Variants in PRKN observed in about 807,000 individuals in gnomAD.
The protein encoded by PRKN is E3 ubiquitin-protein ligase parkin.
In PRKN, 56 loss-of-function variants were observed where a neutral mutation model predicts 59.5. The observed-to-expected ratio is 0.94, with a 90% CI of 0.76 to 1.18. The LOEUF (loss-of-function observed/expected upper bound fraction) is 1.18, where lower values mean the gene tolerates loss of function less well. Among genes scored for constraint, PRKN ranks in the 50% most tolerant of loss-of-function variants. The pLI is 0.00. For missense variants in PRKN, 657 were observed against 596.4 expected, an observed-to-expected ratio of 1.10 and a Z score of -1.06; for synonymous variants, 250 against 222.1, an observed-to-expected ratio of 1.13 and a Z score of -1.12.
chr6:161,723,533 G>A (rs1368057587), intron 7 of PRKN, among the ~76,000 whole-genome samples: 1 of 152,114 alleles, frequency 6.6e-6, no homozygotes, highest in East Asian at 1.9e-4. Context: ...TGGCGGCTGG[G>A]AGAAATGACC....
rs34527638 is a variant in PRKN at position 161,996,175 on chromosome 6, T to TACAC, written c.619-22762_619-22759dup. 3.0e-3 allele frequency among the ~76,000 whole-genome samples: 456 copies of TACAC among 150,048 alleles called. 2 individuals carry two copies. The highest frequency in any genetic ancestry group is 7.2e-3 in the African/African-American group (294 of 40,906). ...AAATGGATAAAGAAAACGTGGTGTG[T>TACAC]ACACACACACACACACACATACACA... On this transcript the variant is annotated intron_variant, in intron 5 of 11. Transcript: ENST00000366898.
At chr6:162,215,971 C>G (rs1256079517) in intron 3 of PRKN, among the ~76,000 whole-genome samples, 2 of 151,692 alleles carry the variant, frequency 1.3e-5, no homozygotes, top group Non-Finnish European at 2.9e-5. Context: ...TGAACCGGGA[C>G]CCGGGAGGCA....
chr6:161,366,731 G>A (rs1785214686), intron 10 of PRKN, among the ~76,000 whole-genome samples: 1 of 152,106 alleles, frequency 6.6e-6, no homozygotes, highest in South Asian at 2.1e-4. Flanking sequence ...TGTTCAAACT[G>A]TGTTCAAATG....
intron 1 of PRKN, among the ~76,000 whole-genome samples, chr6:162,493,920 GA>G (rs1792934210): frequency 6.6e-6 from 1 of 152,200 alleles, no homozygotes; most frequent in Non-Finnish European, 1.5e-5. Flanking sequence ...TTTGTGAGAT[GA>G]GGGAGAAAAC....
chr6:161,434,370 G>A lies in PRKN; in HGVS notation c.1084-47493C>T, dbSNP rs76908634. Among the ~76,000 whole-genome samples the A allele has an allele frequency of 8.3e-3, 1,267 of 152,210 alleles. 23 individuals are homozygous for A. Among genetic ancestry groups the A allele is most frequent in the African/African-American group, 0.029 (1,216 of 41,514 alleles). ...GCCATTATCCCAGGCTAACGTCTAC[G>A]GTGCAGGGTGAGGGAGGGTGGCATC... On this transcript the variant is annotated intron_variant, in intron 9 of 11. Coordinates refer to ENST00000366898, the MANE Select transcript of PRKN (RefSeq NM_004562.3).
intron 3 of PRKN, among the ~76,000 whole-genome samples, chr6:162,230,812 A>G (rs1264107543): frequency 6.6e-6 from 1 of 152,236 alleles, no homozygotes; most frequent in Admixed American, 6.5e-5. Context: ...AGTGAAGAGA[A>G]GGTATCCATG....
At chr6:162,579,895 C>T (rs73035023) in intron 1 of PRKN, among the ~76,000 whole-genome samples, 15,341 of 152,176 alleles carry the variant, frequency 0.1, 930 homozygotes, top group Middle Eastern at 0.19. Flanking sequence ...GTTTGCATGC[C>T]GACATATACA....
intron 1 of PRKN, among the ~76,000 whole-genome samples, chr6:162,459,296 T>C (rs996171416): frequency 6.6e-5 from 10 of 152,088 alleles, no homozygotes; most frequent in Non-Finnish European, 2.9e-5. Context: ...TCCCCTGAAC[T>C]GAAAACAGAA....
At chr6:161,705,980 C>T (rs879355280) in intron 7 of PRKN, among the ~76,000 whole-genome samples, 1 of 152,016 alleles carries the variant, frequency 6.6e-6, no homozygotes, top group Non-Finnish European at 1.5e-5. Context: ...CCTGCTGTCA[C>T]TGGAATGGAA....
At chr6:161,881,971 C>T (rs1350503475) in intron 6 of PRKN, among the ~76,000 whole-genome samples, 1 of 152,120 alleles carries the variant, frequency 6.6e-6, no homozygotes, top group Non-Finnish European at 1.5e-5. Flanking sequence ...ACTGCCCATC[C>T]CCCCACCTGA....
In PRKN at chr6:161,639,887, G is replaced by A. The variant is rs1266963425; in HGVS notation, c.872-70471C>T. Among the ~76,000 whole-genome samples, 5 of 152,308 alleles carry A rather than the reference G, an allele frequency of 3.3e-5. No individual in the cohort carries two copies. The South Asian group carries it at 1.0e-3, about 32-fold the overall frequency. ...CTACCACCCCATCAAATTCTGCTCT[G>A]TGGGGGACTGCTGACTGTGCTACTC... On this transcript the variant is annotated intron_variant, in intron 7 of 11. Coordinates refer to ENST00000366898, the MANE Select transcript of PRKN (RefSeq NM_004562.3).
At chr6:162,573,122 T>C (rs35911566) in intron 1 of PRKN, among the ~76,000 whole-genome samples, 15,316 of 152,224 alleles carry the variant, frequency 0.1, 924 homozygotes, top group Middle Eastern at 0.19. Context: ...CCATTTTCCA[T>C]TTTTAGAATG....
At chr6:162,574,604 A>C (rs577812991) in intron 1 of PRKN, among the ~76,000 whole-genome samples, 1 of 152,260 alleles carries the variant, frequency 6.6e-6, no homozygotes, top group African/African-American at 2.4e-5. Flanking sequence ...TTATTTCTGA[A>C]GGCTAAATTC....
chr6:162,439,339 C>CT (rs1458018577), intron 2 of PRKN, among the ~76,000 whole-genome samples: 4 of 115,196 alleles, frequency 3.5e-5, no homozygotes, highest in Non-Finnish European at 5.1e-5. Flanking sequence ...TTACCCCTCC[C>CT]TTCTCTCTCT....
chr6:162,428,193 A>T (rs1379353383), intron 2 of PRKN, among the ~76,000 whole-genome samples: 1 of 152,198 alleles, frequency 6.6e-6, no homozygotes, highest in Non-Finnish European at 1.5e-5. Context: ...TCAGACTTGC[A>T]AAAGAACAAG....
At chr6:161,839,781 C>T (rs181164813) in intron 6 of PRKN, among the ~76,000 whole-genome samples, 1 of 152,342 alleles carries the variant, frequency 6.6e-6, no homozygotes, top group Non-Finnish European at 1.5e-5. Flanking sequence ...CTGATCTTCA[C>T]TCCTCAGGAA....
In PRKN at chr6:161,662,294, G is replaced by A. The variant is rs577767856; in HGVS notation, c.872-92878C>T. On this transcript the variant is annotated intron_variant, in intron 7 of 11. Transcript: ENST00000366898. ...TGTGCTGACCTGGATGCAGACAGTC[G>A]CTGCCTCCACCGAGGAGGGCGTGCA... Among the ~76,000 whole-genome samples, 7 of 152,292 alleles carry A rather than the reference G, an allele frequency of 4.6e-5. No individual in the cohort carries two copies. The South Asian group carries it at 1.0e-3, about 23-fold the overall frequency.
At chr6:162,290,464 A>T (rs932748343) in intron 2 of PRKN, among the ~76,000 whole-genome samples, 1 of 152,138 alleles carries the variant, frequency 6.6e-6, no homozygotes. Flanking sequence ...TTAAAACATC[A>T]TAATTTATTC....
At chr6:161,991,613 G>A (rs1008048546) in intron 5 of PRKN, among the ~76,000 whole-genome samples, 1 of 152,072 alleles carries the variant, frequency 6.6e-6, no homozygotes, top group Non-Finnish European at 1.5e-5. Context: ...AGGCCGAGGC[G>A]GGCGGGTCAC....
Sources: gnomAD v4.1 joint callset for allele counts (sites outside exome capture counted in the v4.1 genomes callset) on GRCh38, gnomAD v4.1.1 for gene constraint, MANE v1.5 for transcripts, NCBI Gene and HGNC (gene_info 2026-07-23, HGNC 2026-07-21) for gene names.